LHFPL2: variants seen among roughly 807,000 people sequenced by gnomAD.
The protein encoded by LHFPL2 is LHFPL tetraspan subfamily member 2, also known as LHFPL tetraspan subfamily member 2 protein.
In LHFPL2, 7 loss-of-function variants were observed where a neutral mutation model predicts 17.5. The ratio of observed to expected loss-of-function variants is 0.40; its 90% CI spans 0.23 to 0.75. LHFPL2 has a LOEUF of 0.75. LHFPL2 is among the 30% of genes least tolerant of loss of function. LHFPL2 has a pLI of 0.37. For synonymous variants in LHFPL2, 134 were observed against 116.2 expected, an observed-to-expected ratio of 1.15 and a Z score of -0.99; for missense variants, 241 against 294.8, an observed-to-expected ratio of 0.82 and a Z score of 1.34.
At chr5:78,541,537 C>T (rs979890486) in intron 3 of LHFPL2, among the ~76,000 whole-genome samples, 3 of 152,200 alleles carry the variant, frequency 2.0e-5, no homozygotes, top group Admixed American at 2.0e-4. Flanking sequence ...GCCCAGTTCA[C>T]TCTGTCAGGA....
rs1172235295 is a variant in LHFPL2, at chr5:78,485,460, A to AC, written c.*3436dup. The AC allele has an allele frequency of 6.6e-6, 1 of 152,512 alleles. No individual in the cohort carries two copies. The highest frequency in any genetic ancestry group is 2.4e-5 in the African/African-American group (1 of 41,384). The allele number at this position is 152,512 out of a possible 1,614,324, so 9.4% of individuals were successfully genotyped here. ...CCGAGTCCCTCCAGAGCACCTACTG[A>AC]CCCCCTCAGCCTTGGAAGGAGTTTC... is the stretch of plus-strand genomic sequence containing the variant. On this transcript the variant is annotated 3_prime_UTR_variant, in exon 5 of 5. Transcript: ENST00000380345.
At chr5:78,545,286 G>A (rs763533210) in intron 3 of LHFPL2, among the ~76,000 whole-genome samples, 1 of 152,180 alleles carries the variant, frequency 6.6e-6, no homozygotes, top group African/African-American at 2.4e-5. Flanking sequence ...AACACCGAAG[G>A]CTCTATCTCA....
intron 2 of LHFPL2, among the ~76,000 whole-genome samples, chr5:78,598,667 A>G (rs78657047): frequency 0.016 from 2,369 of 152,280 alleles, 64 homozygotes; most frequent in African/African-American, 0.054. Flanking sequence ...CAACCTTACA[A>G]TGGGATTCTT....
intron 3 of LHFPL2, among the ~76,000 whole-genome samples, chr5:78,558,380 C>T (rs1289345887): frequency 6.6e-6 from 1 of 152,200 alleles, no homozygotes; most frequent in Non-Finnish European, 1.5e-5. Flanking sequence ...AAAAAGCTTT[C>T]TCAGGAAGGA....
intron 1 of LHFPL2, among the ~76,000 whole-genome samples, chr5:78,642,320 T>C (rs531648332): frequency 6.6e-6 from 1 of 152,288 alleles, no homozygotes; most frequent in South Asian, 2.1e-4. Flanking sequence ...AACAGACACG[T>C]GTATGGTATC....
intron 2 of LHFPL2, among the ~76,000 whole-genome samples, chr5:78,583,913 G>C (rs1170400054): frequency 6.6e-5 from 10 of 151,448 alleles, no homozygotes; most frequent in Non-Finnish European, 1.2e-4. Flanking sequence ...ATCACTTTCA[G>C]GTACACCAAT....
intron 2 of LHFPL2, among the ~76,000 whole-genome samples, chr5:78,594,087 G>A (rs1743741781): frequency 6.6e-6 from 1 of 152,214 alleles, no homozygotes; most frequent in South Asian, 2.1e-4. Context: ...ATAGAAAAAG[G>A]TTAAGGAGCT....
Position 78,510,019 on chromosome 5 carries a change from G to A in LHFPL2, c.195C>T (p.Ala65=). The A allele has an allele frequency of 1.2e-6, 2 of 1,612,454 alleles. No homozygotes were observed. The highest frequency in any genetic ancestry group is 1.7e-6 in the Non-Finnish European group (2 of 1,179,398). ...GCACCCCTGGGTTCCGGATGCAGCG[G>A]GCGTAGATGCCCAGGGTGGGGTGGT... ...EPYHPTLGIY[A]RCIRNPGVQH... Residue 65 remains alanine, a synonymous_variant, in exon 4 of 5, where the codon GCC becomes GCT. Transcript: ENST00000380345.
chr5:78,608,155 A>C (rs115051218), intron 2 of LHFPL2, among the ~76,000 whole-genome samples: 2,029 of 152,352 alleles, frequency 0.013, 42 homozygotes, highest in African/African-American at 0.044. Context: ...CACAGACTGA[A>C]AGGAGCAGAG....
chr5:78,617,266 G>A (rs1054495322), intron 2 of LHFPL2, among the ~76,000 whole-genome samples: 2 of 152,096 alleles, frequency 1.3e-5, no homozygotes, highest in Non-Finnish European at 2.9e-5. Flanking sequence ...CTGACCTTAG[G>A]TGATCCACCC....
chr5:78,517,168 T>G (rs914921174), intron 3 of LHFPL2, among the ~76,000 whole-genome samples: 3 of 152,186 alleles, frequency 2.0e-5, no homozygotes, highest in African/African-American at 4.8e-5. Context: ...TAAACATGCT[T>G]CTTTTCCCCT....
chr5:78,645,543 T>TACACACACAC (rs56911011), intron 1 of LHFPL2, among the ~76,000 whole-genome samples: 14 of 137,328 alleles, frequency 1.0e-4, no homozygotes, highest in East Asian at 4.3e-4. Flanking sequence ...GACAGATGCA[T>TACACACACAC]ACACACACAC....
chr5:78,489,159 G>T lies in LHFPL2; in HGVS notation c.431-6C>A. On this transcript the variant is annotated splice_region_variant and splice_polypyrimidine_tract_variant and intron_variant, in intron 4 of 4. Coordinates refer to ENST00000380345, the MANE Select transcript of LHFPL2 (RefSeq NM_005779.3). ...ACCGAGGATAAGGAATAGACCTGCAGAACAAAAGAGAAAACAGATTAGAAA... is the reference window on the plus strand; with the variant it reads ...ACCGAGGATAAGGAATAGACCTGCATAACAAAAGAGAAAACAGATTAGAAA... 1 of 1,613,574 alleles carries T rather than the reference G, an allele frequency of 6.2e-7. No individual in the cohort carries two copies. Among genetic ancestry groups the T allele is most frequent in the Non-Finnish European group, 8.5e-7 (1 of 1,179,656 alleles).
chr5:78,612,465 TATC>T (rs1263563215), intron 2 of LHFPL2, among the ~76,000 whole-genome samples: 1 of 152,240 alleles, frequency 6.6e-6, no homozygotes, highest in African/African-American at 2.4e-5. Flanking sequence ...GCTTTACAAA[TATC>T]ATCCTCAAAA....
chr5:78,611,525 T>C (rs1744422877), intron 2 of LHFPL2, among the ~76,000 whole-genome samples: 1 of 152,072 alleles, frequency 6.6e-6, no homozygotes, highest in Non-Finnish European at 1.5e-5. Context: ...GGAAAAAGAC[T>C]GGGAAGTCCC....
At chr5:78,607,943 C>T (rs1358994359) in intron 2 of LHFPL2, among the ~76,000 whole-genome samples, 1 of 152,176 alleles carries the variant, frequency 6.6e-6, no homozygotes, top group Non-Finnish European at 1.5e-5. Flanking sequence ...AAAGAACACA[C>T]ACTAAAAAGC....
chr5:78,628,706 G>A (rs550758176), intron 2 of LHFPL2, among the ~76,000 whole-genome samples: 8 of 152,314 alleles, frequency 5.3e-5, no homozygotes, highest in Non-Finnish European at 7.3e-5. Context: ...CTTTGAACCC[G>A]GGAACAAGGA....
At chr5:78,503,133 T>C (rs140153271) in intron 4 of LHFPL2, among the ~76,000 whole-genome samples, 285 of 152,308 alleles carry the variant, frequency 1.9e-3, no homozygotes, top group African/African-American at 6.4e-3. Context: ...GAAGTGGCTT[T>C]ATAGCTTAAA....
At chr5:78,621,877 C>G (rs773518599) in intron 2 of LHFPL2, among the ~76,000 whole-genome samples, 7 of 152,082 alleles carry the variant, frequency 4.6e-5, no homozygotes, top group Non-Finnish European at 1.0e-4. Context: ...TCCCCTTTCC[C>G]CCTAAGCTGT....
Sources: allele counts gnomAD v4.1 joint callset (sites outside exome capture counted in the v4.1 genomes callset), GRCh38; gene constraint gnomAD v4.1.1; transcripts MANE v1.5; gene names NCBI Gene and HGNC (gene_info 2026-07-23, HGNC 2026-07-21).